GSPT1: variants seen among roughly 807,000 people sequenced by gnomAD.
GSPT1 encodes G1 to S phase transition 1.
Under a neutral mutation model 72.5 loss-of-function variants are expected in GSPT1, and 20 were observed. The observed-to-expected ratio is 0.28, with a 90% confidence interval of 0.19 to 0.40. The LOEUF is 0.40. Among genes scored for constraint, GSPT1 ranks in the 10% least tolerant of loss-of-function variants. The probability of loss-of-function intolerance (pLI) is 1.00; values close to 1 mark genes in which losing one functional copy is unlikely to be tolerated. For synonymous variants in GSPT1, 334 were observed against 293.5 expected (o/e 1.14, Z -1.41); for missense variants, 580 against 811.9 (o/e 0.71, Z 3.47).
Position 11,873,065 on chromosome 16 carries a change from G to A in GSPT1, c.*54C>T, listed in dbSNP as rs1027576284. The A allele has an allele frequency of 2.1e-6, 2 of 941,492 alleles. No individual in the cohort carries two copies. Among genetic ancestry groups the A allele is most frequent in the Non-Finnish European group, 3.4e-6 (2 of 593,482 alleles). The allele number at this position is 941,492 out of a possible 1,614,324, so 58.3% of individuals were successfully genotyped here. A position where few individuals can be genotyped will look rare whatever the true frequency, so the allele number is the denominator to read the frequency against. ...AAATAAGAGAAGGCGGTGTGAAGTA[G>A]GCTTCTGCAGTCAATTTTCCTCACA... is the stretch of plus-strand genomic sequence containing the variant. On this transcript the variant is annotated 3_prime_UTR_variant, in exon 15 of 15. Transcript: ENST00000434724.
intron 1 of GSPT1, among the ~76,000 whole-genome samples, chr16:11,906,812 G>GT (rs2054495909): frequency 1.3e-5 from 2 of 152,102 alleles, no homozygotes; most frequent in Admixed American, 6.5e-5. Context: ...CACTTATCTG[G>GT]TAAGATCACA....
At chr16:11,894,155 C>CAAAAAAAAAAAAA (rs57226427) in intron 5 of GSPT1, among the ~76,000 whole-genome samples, 8 of 42,672 alleles carry the variant, frequency 1.9e-4, no homozygotes, top group African/African-American at 7.1e-4. Context: ...GACCCTATCT[C>CAAAAAAAAAAAAA]AAAAAAAAAA....
In GSPT1 at chr16:11,870,564, G is replaced by A. The variant is rs1358009032; in HGVS notation, c.*2555C>T. On this transcript the variant is annotated 3_prime_UTR_variant, in exon 15 of 15. Coordinates refer to ENST00000434724, the MANE Select transcript of GSPT1 (RefSeq NM_002094.4). ...TGCAGAAAACAGAATGACAGCATAGGAATTTGTATTGCTCTATAACGGTCC... is the reference window on the plus strand; with the variant it reads ...TGCAGAAAACAGAATGACAGCATAGAAATTTGTATTGCTCTATAACGGTCC... 6.6e-6 allele frequency: 1 copy of A among 152,166 alleles called. No homozygotes were observed. The highest frequency in any genetic ancestry group is 1.5e-5 in the Non-Finnish European group (1 of 68,042). The allele number at this position is 152,166 out of a possible 1,614,324, so 9.4% of individuals were successfully genotyped here. A position where few individuals can be genotyped will look rare whatever the true frequency, so the allele number is the denominator to read the frequency against.
At chr16:11,894,755 G>A (rs1473219716) in intron 5 of GSPT1, among the ~76,000 whole-genome samples, 199 bp downstream of exon 5, 1 of 152,284 alleles carries the variant, frequency 6.6e-6, no homozygotes, top group African/African-American at 2.4e-5. Context: ...CTCTCAAAAT[G>A]CTGGGATTAT....
At position 11,871,965 on chromosome 16, in the gene GSPT1, A is replaced by G. The variant is rs1204112517; in HGVS notation, c.*1154T>C. 1 of 152,238 alleles carries G rather than the reference A, an allele frequency of 6.6e-6. No homozygotes were observed. The highest frequency in any genetic ancestry group is 2.4e-5 in the African/African-American group (1 of 41,460). The allele number at this position is 152,238 out of a possible 1,614,324, so 9.4% of individuals were successfully genotyped here. A position where few individuals can be genotyped will look rare whatever the true frequency, so the allele number is the denominator to read the frequency against. ...ATTTCAAATAATTGAGATAAAACTT[A>G]TACCCTGCTTGATTCTGCTTATCGC... is the stretch of plus-strand genomic sequence containing the variant. On this transcript the variant is annotated 3_prime_UTR_variant, in exon 15 of 15. Coordinates refer to ENST00000434724, the MANE Select transcript of GSPT1 (RefSeq NM_002094.4).
At chr16:11,894,733 T>C (rs554368897) in intron 5 of GSPT1, among the ~76,000 whole-genome samples, 2 of 152,290 alleles carry the variant, frequency 1.3e-5, no homozygotes, top group Admixed American at 1.3e-4. Flanking sequence ...CCAGTGATCC[T>C]CCCACCTTAG....
At chr16:11,884,321 T>A (rs1273526096) in intron 10 of GSPT1, among the ~76,000 whole-genome samples, 1 of 152,226 alleles carries the variant, frequency 6.6e-6, no homozygotes, top group Non-Finnish European at 1.5e-5. Context: ...AGCCCAGCAG[T>A]TACATCTATG....
At chr16:11,888,050 G>T (rs1049059092) in intron 6 of GSPT1, among the ~76,000 whole-genome samples, 1 of 152,298 alleles carries the variant, frequency 6.6e-6, no homozygotes, top group Middle Eastern at 3.4e-3. Context: ...TAGTACTTAG[G>T]AGACTGAGGC....
intron 1 of GSPT1, among the ~76,000 whole-genome samples, chr16:11,906,326 A>G (rs377181160): frequency 6.6e-6 from 1 of 152,280 alleles, no homozygotes; most frequent in East Asian, 1.9e-4. Flanking sequence ...GGGTTAGGGA[A>G]ACACTACACT....
rs62622820 is a variant in GSPT1 at position 11,873,059 on chromosome 16, G to T, written c.*60C>A. 1.1e-6 allele frequency: 1 copy of T among 892,298 alleles called. No individual in the cohort carries two copies. Among genetic ancestry groups the T allele is most frequent in the African/African-American group, 1.7e-5 (1 of 60,440 alleles). 55.3% of individuals were successfully genotyped at this position (892,298 alleles called of 1,614,324 possible). A position where few individuals can be genotyped will look rare whatever the true frequency, so the allele number is the denominator to read the frequency against. ...GGCAGAAAATAAGAGAAGGCGGTGT[G>T]AAGTAGGCTTCTGCAGTCAATTTTC... On this transcript the variant is annotated 3_prime_UTR_variant, in exon 15 of 15. Transcript: ENST00000434724.
Position 11,915,766 on chromosome 16 carries a change from G to A in GSPT1, c.-46C>T, listed in dbSNP as rs766350663. Reference sequence around the variant, plus strand: ...TGGTGGACAGAGAGCGGGAAATGGAGGCAGGGGCGCCCGGCCGGAGAGGAG... The same window carrying A: ...TGGTGGACAGAGAGCGGGAAATGGAAGCAGGGGCGCCCGGCCGGAGAGGAG... On this transcript the variant is annotated 5_prime_UTR_variant, in exon 1 of 15. Transcript: ENST00000434724. 90 of 1,567,838 alleles carry A rather than the reference G, an allele frequency of 5.7e-5. No individual in the cohort carries two copies. Among genetic ancestry groups the A allele is most frequent in the Non-Finnish European group, 7.4e-5 (86 of 1,163,902 alleles).
chr16:11,910,306 G>C (rs980144802), intron 1 of GSPT1, among the ~76,000 whole-genome samples: 6 of 152,154 alleles, frequency 3.9e-5, no homozygotes, highest in Admixed American at 2.6e-4. Context: ...GGCTTTGAAA[G>C]CCTTCTCTAC....
intron 1 of GSPT1, among the ~76,000 whole-genome samples, chr16:11,909,311 A>G (rs979300976): frequency 3.3e-5 from 5 of 152,236 alleles, no homozygotes; most frequent in African/African-American, 1.2e-4. Flanking sequence ...ATAAATCTAC[A>G]GTCTCGGCTC....
At chr16:11,907,332 C>T (rs1228638835) in intron 1 of GSPT1, among the ~76,000 whole-genome samples, 1 of 152,182 alleles carries the variant, frequency 6.6e-6, no homozygotes, top group Non-Finnish European at 1.5e-5. Context: ...AGCCTCACTC[C>T]TCTCATGGAT....
At chr16:11,892,847 AAAAAAAAAG>A (rs1178535681) in intron 5 of GSPT1, among the ~76,000 whole-genome samples, 1 of 149,568 alleles carries the variant, frequency 6.7e-6, no homozygotes, top group African/African-American at 2.5e-5. Flanking sequence ...AAAAAAAAAA[AAAAAAAAAG>A]AAAAGAAAAG....
chr16:11,914,557 C>G (rs2054603763), intron 1 of GSPT1, among the ~76,000 whole-genome samples: 1 of 152,182 alleles, frequency 6.6e-6, no homozygotes, highest in African/African-American at 2.4e-5. Context: ...TACTGATGCA[C>G]GAACACAGTG....
At chr16:11,902,137 C>G (rs1423118579) in intron 1 of GSPT1, among the ~76,000 whole-genome samples, 5 of 149,666 alleles carry the variant, frequency 3.3e-5, no homozygotes, top group Admixed American at 1.3e-4. Context: ...AATCCCAGCA[C>G]TTTGGGAGGC....
chr16:11,904,891 C>A (rs2054469188), intron 1 of GSPT1, among the ~76,000 whole-genome samples: 1 of 152,088 alleles, frequency 6.6e-6, no homozygotes, highest in Non-Finnish European at 1.5e-5. Context: ...TTGAGACCAG[C>A]CTGGGAAACA....
At position 11,875,750 on chromosome 16, in the gene GSPT1, A is replaced by G; in HGVS notation, c.1861+11T>C. Reference sequence around the variant, plus strand: ...GGATATACTACTAGACGTCAGTTTAAAAGCTCTTACCCTCATCTCTTAAGG... The same window carrying G: ...GGATATACTACTAGACGTCAGTTTAGAAGCTCTTACCCTCATCTCTTAAGG... On this transcript the variant is annotated intron_variant, in intron 14 of 14. Coordinates refer to ENST00000434724, the MANE Select transcript of GSPT1 (RefSeq NM_002094.4). The G allele has an allele frequency of 6.3e-7, 1 of 1,590,892 alleles. No individual in the cohort carries two copies.
Sources: gnomAD v4.1 joint callset for allele counts (sites outside exome capture counted in the v4.1 genomes callset) on GRCh38, gnomAD v4.1.1 for gene constraint, MANE v1.5 for transcripts, NCBI Gene and HGNC (gene_info 2026-07-23, HGNC 2026-07-21) for gene names.